The following RCC2 variants were observed in gnomAD, a reference collection of about 807,000 sequenced individuals.
The protein encoded by RCC2 is protein RCC2.
RCC2 carries 19 observed loss-of-function variants against 64.1 expected under a neutral mutation model. The ratio of observed to expected loss-of-function variants is 0.30; its 90% CI spans 0.21 to 0.44. The LOEUF is 0.44. Among genes scored for constraint, RCC2 ranks in the 20% least tolerant of loss-of-function variants. RCC2 has a pLI of 1.00. For missense variants in RCC2, 508 were observed against 710.4 expected (o/e 0.72, Z 3.24); for synonymous variants, 325 against 279.6 (o/e 1.16, Z -1.62).
intron 2 of RCC2, among the ~76,000 whole-genome samples, chr1:17,435,055 A>C (rs534806421): frequency 6.6e-6 from 1 of 152,256 alleles, no homozygotes; most frequent in South Asian, 2.1e-4. Flanking sequence ...GTGAGCTGAG[A>C]TCACACCACT....
intron 7 of RCC2, 134 bp from the exon 8 acceptor site, chr1:17,416,780 TG>T: frequency 2.4e-6 from 2 of 833,768 alleles, no homozygotes; most frequent in Non-Finnish European, 3.6e-6. Context: ...CAGCACACGT[TG>T]GTCAACAAAG....
chr1:17,411,169 A>G (rs2075420455), intron 11 of RCC2, among the ~76,000 whole-genome samples: 1 of 152,136 alleles, frequency 6.6e-6, no homozygotes, highest in African/African-American at 2.4e-5. Context: ...TCTAACAAGA[A>G]ATAAGGGACT....
chr1:17,431,797 T>C (rs372981717), intron 2 of RCC2, among the ~76,000 whole-genome samples: 1 of 151,882 alleles, frequency 6.6e-6, no homozygotes, highest in South Asian at 2.1e-4. Context: ...CCTGCAGTCC[T>C]CATGAAAAGG....
chr1:17,431,342 A>ATAAAAAAT (rs1433186157), intron 2 of RCC2, among the ~76,000 whole-genome samples: 705 of 69,562 alleles, frequency 0.01, 47 homozygotes, highest in Non-Finnish European at 0.014. Context: ...TCAAAAAAAA[A>ATAAAAAAT]AAAAAAAAAA....
intron 2 of RCC2, among the ~76,000 whole-genome samples, chr1:17,430,502 A>G (rs1239488483): frequency 2.3e-4 from 33 of 142,624 alleles, no homozygotes; most frequent in Middle Eastern, 3.9e-3. Context: ...AAAAAAAAAA[A>G]GGGGGCCAGG....
At chr1:17,409,895 G>C in intron 12 of RCC2, 79 bp downstream of exon 12, 1 of 1,232,922 alleles carries the variant, frequency 8.1e-7, no homozygotes, top group Non-Finnish European at 1.2e-6. Context: ...CAAACAGACT[G>C]CGATGATCAA....
intron 7 of RCC2, among the ~76,000 whole-genome samples, chr1:17,419,858 A>G (rs1186744321): frequency 2.0e-5 from 3 of 152,182 alleles, no homozygotes; most frequent in Non-Finnish European, 4.4e-5. Context: ...AACCAACGCG[A>G]AATGTGAAAT....
At chr1:17,424,694 GTC>G (rs1214489990) in intron 4 of RCC2, among the ~76,000 whole-genome samples, 3 of 152,218 alleles carry the variant, frequency 2.0e-5, no homozygotes, top group Non-Finnish European at 4.4e-5. Flanking sequence ...TAAAAATGCA[GTC>G]ATATGGACTA....
At chr1:17,412,333 C>A in intron 10 of RCC2, 139 bp from the exon 11 acceptor site, 1 of 687,966 alleles carries the variant, frequency 1.5e-6, no homozygotes, top group Non-Finnish European at 2.5e-6. Context: ...ATAACAGGGC[C>A]AACAGGTTTC....
chr1:17,421,623 T>G (rs140230005), intron 6 of RCC2, among the ~76,000 whole-genome samples: 30 of 152,278 alleles, frequency 2.0e-4, no homozygotes, highest in African/African-American at 7.0e-4. Flanking sequence ...CTCACTTTCT[T>G]TGGAACAGAA....
At chr1:17,426,433 G>A (rs1356342677) in intron 3 of RCC2, among the ~76,000 whole-genome samples, 3 of 152,006 alleles carry the variant, frequency 2.0e-5, no homozygotes, top group Non-Finnish European at 4.4e-5. Context: ...ACTTCTTCCT[G>A]AAAGCTCAAG....
intron 7 of RCC2, among the ~76,000 whole-genome samples, chr1:17,418,588 C>T (rs1356246011): frequency 2.0e-5 from 3 of 151,800 alleles, no homozygotes; most frequent in Non-Finnish European, 4.4e-5. Context: ...ACCCGGGAGG[C>T]GGAGGGTGCA....
chr1:17,436,732 C>A lies in RCC2; in HGVS notation c.285+1498G>T, dbSNP rs566653024. Among the ~76,000 whole-genome samples, 249 of 152,320 alleles carry A rather than the reference C, an allele frequency of 1.6e-3. 1 individual carries two copies. The highest frequency in any genetic ancestry group is 5.4e-3 in the African/African-American group (223 of 41,582). ...AGCTGATAACTGCAGTCTTGGATGTCTAAACACAATCTTGCTTTTGGAAAC... is the reference window on the plus strand; with the variant it reads ...AGCTGATAACTGCAGTCTTGGATGTATAAACACAATCTTGCTTTTGGAAAC... On this transcript the variant is annotated intron_variant, in intron 2 of 12. Coordinates refer to ENST00000375436, the MANE Select transcript of RCC2 (RefSeq NM_018715.4).
Position 17,412,182 on chromosome 1 carries a change from G to A in RCC2, c.1326C>T (p.Ile442=). 1 of 1,614,084 alleles carries A rather than the reference G, an allele frequency of 6.2e-7. No individual in the cohort carries two copies. Among genetic ancestry groups the A allele is most frequent in the Non-Finnish European group, 8.5e-7 (1 of 1,180,004 alleles). ...IRSLACGKSS[I]IVAADESTIS... ...TGGTGCTCTCATCGGCGGCCACAAT[G>A]ATGCTGCTCTTCCTGCAAACAGGCA... The change falls in exon 11 of 13, where the codon ATC becomes ATT. Residue 442 remains isoleucine, a synonymous_variant. Transcript: ENST00000375436.
At chr1:17,420,487 T>C (rs2075544159) in intron 7 of RCC2, among the ~76,000 whole-genome samples, 1 of 152,224 alleles carries the variant, frequency 6.6e-6, no homozygotes, top group Non-Finnish European at 1.5e-5. Flanking sequence ...AAATCTTTTG[T>C]AGGACTCCAG....
rs1024747735 is a variant in RCC2, at chr1:17,433,069, C to T, written c.286-3870G>A. 3.3e-5 allele frequency among the ~76,000 whole-genome samples: 5 copies of T among 152,142 alleles called. No homozygotes were observed. The South Asian group carries it at 1.0e-3, about 32-fold the overall frequency. On this transcript the variant is annotated intron_variant, in intron 2 of 12. Transcript: ENST00000375436. ...ACGTGTGTATACATATACATATATA[C>T]GTGTGTATGTGTGAAAAACCCCGGT... is the stretch of plus-strand genomic sequence containing the variant.
At chr1:17,430,710 C>A (rs1570203122) in intron 2 of RCC2, among the ~76,000 whole-genome samples, 1 of 151,440 alleles carries the variant, frequency 6.6e-6, no homozygotes, top group African/African-American at 2.4e-5. Context: ...ATCCCTTGAA[C>A]CCGGGAGGCG....
In RCC2 at chr1:17,425,528, G is replaced by C; in HGVS notation, c.523+13C>G. On this transcript the variant is annotated intron_variant, in intron 4 of 12. Transcript: ENST00000375436. ...CAGTGGTCCCCAGTGCCCAGCACCC[G>C]CACGGTACTCACCCCAGCTCCACAG... The C allele has an allele frequency of 6.3e-7, 1 of 1,595,206 alleles. No individual in the cohort carries two copies. Among genetic ancestry groups the C allele is most frequent in the Non-Finnish European group, 8.6e-7 (1 of 1,168,480 alleles).
At chr1:17,418,581 CG>C (rs949958225) in intron 7 of RCC2, among the ~76,000 whole-genome samples, 7 of 151,718 alleles carry the variant, frequency 4.6e-5, no homozygotes, top group Admixed American at 4.6e-4. Context: ...CGCTTGAACC[CG>C]GGAGGCGGAG....
Sources: allele counts gnomAD v4.1 joint callset (sites outside exome capture counted in the v4.1 genomes callset), GRCh38; gene constraint gnomAD v4.1.1; transcripts MANE v1.5; gene names NCBI Gene and HGNC (gene_info 2026-07-23, HGNC 2026-07-21).